The following SEC23B variants were observed in gnomAD, a reference collection of about 807,000 sequenced individuals.
The protein encoded by SEC23B is SEC23 homolog B, COPII component, also known as protein transport protein Sec23B.
SEC23B carries 77 observed loss-of-function variants against 104.3 expected under a neutral mutation model. That is an observed-to-expected ratio of 0.74 (90% confidence interval 0.61 to 0.89). SEC23B has a LOEUF of 0.89. SEC23B is among the 40% of genes least tolerant of loss of function. The pLI, the probability that SEC23B is intolerant of heterozygous loss-of-function variation, is 0.00. For missense variants in SEC23B, 885 were observed against 949.4 expected, an observed-to-expected ratio of 0.93 and a Z score of 0.89; for synonymous variants, 338 against 332.5, an observed-to-expected ratio of 1.02 and a Z score of -0.18.
At chr20:18,513,558 A>G (rs986819081) in intron 3 of SEC23B, among the ~76,000 whole-genome samples, 1 of 152,224 alleles carries the variant, frequency 6.6e-6, no homozygotes, top group African/African-American at 2.4e-5. Flanking sequence ...AGCTCTTCAC[A>G]TGCATTCGTT....
At position 18,515,738 on chromosome 20, in the gene SEC23B, T is replaced by C; in HGVS notation, c.366+2T>C. On this transcript the variant is annotated splice_donor_variant, in intron 4 of 19. Coordinates refer to ENST00000650089, the MANE Select transcript of SEC23B (RefSeq NM_006363.6). LOFTEE classifies it high-confidence loss of function. ...TCTACAATTGAGTACGTGATACAGGTAATTTCTTTGTTGTGCATTTAATGA... is the reference window on the plus strand; with the variant it reads ...TCTACAATTGAGTACGTGATACAGGCAATTTCTTTGTTGTGCATTTAATGA... 6.4e-7 allele frequency: 1 copy of C among 1,567,178 alleles called. No individual in the cohort carries two copies. Among genetic ancestry groups the C allele is most frequent in the Non-Finnish European group, 8.8e-7 (1 of 1,137,348 alleles).
chr20:18,550,826 TAAAAAA>T (rs56946062), intron 16 of SEC23B, among the ~76,000 whole-genome samples: 1 of 148,516 alleles, frequency 6.7e-6, no homozygotes, highest in African/African-American at 2.5e-5. Context: ...CCCTGACTCT[TAAAAAA>T]AAAAAAGGTA....
At chr20:18,523,738 T>C (rs1263605661) in intron 4 of SEC23B, among the ~76,000 whole-genome samples, 1 of 150,904 alleles carries the variant, frequency 6.6e-6, no homozygotes, top group Admixed American at 6.6e-5. Flanking sequence ...GGGGTCTTGC[T>C]CTCTTGTCCA....
At chr20:18,541,220 C>T (rs781311480) in intron 12 of SEC23B, among the ~76,000 whole-genome samples, 1 of 152,222 alleles carries the variant, frequency 6.6e-6, no homozygotes, top group Non-Finnish European at 1.5e-5. Context: ...TGGGACCTTG[C>T]TCTGGATTAG....
intron 12 of SEC23B, among the ~76,000 whole-genome samples, chr20:18,539,704 G>A (rs2060271161): frequency 6.8e-6 from 1 of 148,130 alleles, no homozygotes; most frequent in Non-Finnish European, 1.5e-5. Context: ...GAGTGCAGTG[G>A]CACCATCTCA....
At chr20:18,528,729 A>G (rs1300127651) in intron 9 of SEC23B, among the ~76,000 whole-genome samples, 2 of 152,252 alleles carry the variant, frequency 1.3e-5, no homozygotes, top group Non-Finnish European at 2.9e-5. Flanking sequence ...ATTTAATAGT[A>G]TGAATTCCTA....
chr20:18,527,460 C>A, intron 8 of SEC23B, 36 bp from the exon 9 acceptor site: 2 of 1,159,988 alleles, frequency 1.7e-6, no homozygotes, highest in South Asian at 1.2e-5. Context: ...GGAATAATGT[C>A]ACTGTTTCCT....
At chr20:18,532,366 G>T (rs532720379) in intron 10 of SEC23B, among the ~76,000 whole-genome samples, 3 of 152,334 alleles carry the variant, frequency 2.0e-5, no homozygotes, top group Non-Finnish European at 4.4e-5. Flanking sequence ...GATTGGAAAA[G>T]AATGTAGTAT....
At chr20:18,549,208 T>A (rs2060362624) in intron 16 of SEC23B, among the ~76,000 whole-genome samples, 2 of 152,206 alleles carry the variant, frequency 1.3e-5, no homozygotes, top group Non-Finnish European at 2.9e-5. Context: ...ACCCTCAGTA[T>A]TCATGGAAGA....
intron 3 of SEC23B, among the ~76,000 whole-genome samples, chr20:18,513,265 T>C (rs570223794): frequency 5.9e-5 from 9 of 152,138 alleles, no homozygotes; most frequent in Non-Finnish European, 1.2e-4. Flanking sequence ...GGAGAATCGC[T>C]TGAACCCGGG....
intron 10 of SEC23B, 23 bp downstream of exon 10, chr20:18,530,826 T>TTTATG: frequency 6.3e-7 from 1 of 1,588,708 alleles, no homozygotes; most frequent in Non-Finnish European, 8.6e-7. Flanking sequence ...TTTTTTTTTT[T>TTTATG]TTATGTGGAC....
intron 12 of SEC23B, among the ~76,000 whole-genome samples, chr20:18,540,811 A>G (rs566418193): frequency 6.6e-6 from 1 of 152,326 alleles, no homozygotes; most frequent in East Asian, 1.9e-4. Context: ...AGCTGAGATC[A>G]TGCCATTCCA....
chr20:18,524,054 A>C (rs1444343457), intron 4 of SEC23B, among the ~76,000 whole-genome samples: 1 of 152,022 alleles, frequency 6.6e-6, no homozygotes, highest in Non-Finnish European at 1.5e-5. Context: ...TCTGTTTAAC[A>C]GTTGACTCTG....
At chr20:18,540,314 ATC>A (rs1240783450) in intron 12 of SEC23B, among the ~76,000 whole-genome samples, 1 of 152,202 alleles carries the variant, frequency 6.6e-6, no homozygotes, top group Non-Finnish European at 1.5e-5. Context: ...TCTCCTTTAT[ATC>A]TCCGTCAGAG....
intron 4 of SEC23B, among the ~76,000 whole-genome samples, chr20:18,517,672 G>A (rs1338062773): frequency 2.0e-5 from 3 of 152,154 alleles, no homozygotes; most frequent in Non-Finnish European, 4.4e-5. Context: ...ACTGCTTCTA[G>A]CGGGATTAGG....
chr20:18,523,484 C>A (rs2060105141), intron 4 of SEC23B, among the ~76,000 whole-genome samples: 1 of 148,376 alleles, frequency 6.7e-6, no homozygotes, highest in Non-Finnish European at 1.5e-5. Context: ...CTCACTGCAA[C>A]CTCTGCCTCC....
At chr20:18,512,817 C>T (rs932537445) in intron 3 of SEC23B, among the ~76,000 whole-genome samples, 5 of 152,172 alleles carry the variant, frequency 3.3e-5, no homozygotes, top group South Asian at 4.1e-4. Context: ...TTTGGGAGGC[C>T]GAGGTGGGTG....
In SEC23B at chr20:18,532,725, G is replaced by C; in HGVS notation, c.1295G>C (p.Gly432Ala). ...IGPCVSLNVKGPCVSENELGV... is the reference protein window; with the variant it reads ...IGPCVSLNVKAPCVSENELGV... ...CCATGCGTATCTCTGAATGTGAAAG[G>C]ACCGTGTGTGTCAGAAAATGTAAGG... The change falls in exon 11 of 20, where the codon GGA becomes GCA. Residue 432 changes from glycine to alanine, a missense_variant. Coordinates refer to ENST00000650089, the MANE Select transcript of SEC23B (RefSeq NM_006363.6). The C allele has an allele frequency of 1.9e-6, 3 of 1,613,712 alleles. No homozygotes were observed. The highest frequency in any genetic ancestry group is 2.5e-6 in the Non-Finnish European group (3 of 1,179,608).
rs531155730 is a variant in SEC23B, at chr20:18,516,986, T to C, written c.366+1250T>C. Among the ~76,000 whole-genome samples the C allele has an allele frequency of 1.4e-4, 22 of 152,360 alleles. No homozygotes were observed. In the South Asian group the frequency reaches 3.5e-3, roughly 24 times the overall value. ...TGTAGTTCACTAGGCAGCATGAACA[T>C]CTTCACAATATTAAGTCTTACAACC... On this transcript the variant is annotated intron_variant, in intron 4 of 19. Coordinates refer to ENST00000650089, the MANE Select transcript of SEC23B (RefSeq NM_006363.6).
Sources: gnomAD v4.1 joint callset for allele counts (sites outside exome capture counted in the v4.1 genomes callset) on GRCh38, gnomAD v4.1.1 for gene constraint, MANE v1.5 for transcripts, NCBI Gene and HGNC (gene_info 2026-07-23, HGNC 2026-07-21) for gene names.